The following AFAP1 variants were observed in gnomAD, a reference collection of about 807,000 sequenced individuals.
AFAP1 encodes actin filament-associated protein 1.
AFAP1 carries 75 observed loss-of-function variants against 93.9 expected under a neutral mutation model. The ratio of observed to expected loss-of-function variants is 0.80; its 90% CI spans 0.66 to 0.97. The LOEUF is 0.97. Ranked by LOEUF, AFAP1 falls within the 50% of genes least tolerant of loss-of-function variation. The pLI is 0.00. For missense variants in AFAP1, 1,201 were observed against 1,050.8 expected, an observed-to-expected ratio of 1.14 and a Z score of -1.98; for synonymous variants, 517 against 430.7, an observed-to-expected ratio of 1.20 and a Z score of -2.48.
At chr4:7,928,037 T>C (rs1244245427) in intron 1 of AFAP1, among the ~76,000 whole-genome samples, 2 of 152,188 alleles carry the variant, frequency 1.3e-5, no homozygotes, top group Non-Finnish European at 2.9e-5. Flanking sequence ...ATGATAAGAA[T>C]TTTCAGTCCC....
chr4:7,783,389 C>T (rs959641138), intron 12 of AFAP1, among the ~76,000 whole-genome samples: 2 of 152,210 alleles, frequency 1.3e-5, no homozygotes, highest in East Asian at 1.9e-4. Context: ...ATCTGCCCAC[C>T]TCTGCCTTCC....
chr4:7,820,337 A>C (rs1351313412), intron 6 of AFAP1, among the ~76,000 whole-genome samples: 1 of 152,198 alleles, frequency 6.6e-6, no homozygotes, highest in Non-Finnish European at 1.5e-5. Flanking sequence ...GCAAACTTCT[A>C]GTCAGTGCTA....
chr4:7,822,356 C>A (rs1280794566), intron 6 of AFAP1, among the ~76,000 whole-genome samples: 2 of 152,088 alleles, frequency 1.3e-5, no homozygotes, highest in Admixed American at 1.3e-4. Flanking sequence ...AAGTATCCAG[C>A]CCAGTATTTC....
chr4:7,800,535 C>T lies in AFAP1; in HGVS notation c.1173G>A (p.Pro391=), dbSNP rs764457895. The T allele has an allele frequency of 2.0e-5, 32 of 1,614,056 alleles. No homozygotes were observed. Among genetic ancestry groups the T allele is most frequent in the Non-Finnish European group, 2.6e-5 (31 of 1,180,040 alleles). The change falls in exon 10 of 18, where the codon CCG becomes CCA. Residue 391 remains proline (P), a synonymous_variant. Coordinates refer to ENST00000420658, the MANE Select transcript of AFAP1 (RefSeq NM_001134647.2). The part of the protein sequence containing the change: ...TDLKTHIVSI[P]LRGCEVIPGL... Reference sequence around the variant, plus strand: ...CCGGGATCACCTCGCAGCCACGGAGCGGAATAGACACAATATGGGTCTTCA... The same window carrying T: ...CCGGGATCACCTCGCAGCCACGGAGTGGAATAGACACAATATGGGTCTTCA...
In AFAP1 at chr4:7,761,005, G is replaced by C. The variant is rs1299186811; in HGVS notation, c.*2760C>G. On this transcript the variant is annotated 3_prime_UTR_variant, in exon 18 of 18. Transcript: ENST00000420658. ...GGCCTCTTGCCCTCAGCCTGGCTTC[G>C]TTATGAAATCAGACACACTCGCAGC... The C allele has an allele frequency of 2.6e-5, 4 of 152,248 alleles. No homozygotes were observed. Among genetic ancestry groups the C allele is most frequent in the African/African-American group, 9.6e-5 (4 of 41,468 alleles). 9.4% of individuals were successfully genotyped at this position (152,248 alleles called of 1,614,324 possible).
At chr4:7,794,518 TTTTA>T (rs780337000) in intron 10 of AFAP1, among the ~76,000 whole-genome samples, 4 of 152,068 alleles carry the variant, frequency 2.6e-5, no homozygotes, top group Admixed American at 6.6e-5. Context: ...TAAGCCATCC[TTTTA>T]TTTATTTATT....
intron 1 of AFAP1, among the ~76,000 whole-genome samples, chr4:7,919,766 T>C (rs1462951459): frequency 6.6e-5 from 10 of 152,060 alleles, no homozygotes; most frequent in Non-Finnish European, 1.5e-4. Flanking sequence ...CCAGCATGCA[T>C]TAGCTGTTTT....
At chr4:7,900,434 A>C (rs1292164096) in intron 1 of AFAP1, among the ~76,000 whole-genome samples, 2 of 152,248 alleles carry the variant, frequency 1.3e-5, no homozygotes, top group Non-Finnish European at 2.9e-5. Context: ...AATAAATGAG[A>C]CTCAAATGAA....
chr4:7,855,496 G>C lies in AFAP1; in HGVS notation c.304C>G (p.Pro102Ala), dbSNP rs1366217744. ...GTGATGTATTCCGGAGCTTTTCCGG[G>C]GCTCAGCGGCACAGCTTCCTCATAA... ...GYYEEAVPLSPGKAPEYITSN... is the reference protein window; with the variant it reads ...GYYEEAVPLSAGKAPEYITSN... The change falls in exon 4 of 18, where the codon CCC becomes GCC. Residue 102 changes from proline to alanine, a missense_variant. Physicochemically the swap from Pro to Ala is conservative, Grantham distance 27 (BLOSUM62 -1). Coordinates refer to ENST00000420658, the MANE Select transcript of AFAP1 (RefSeq NM_001134647.2). 1.2e-6 allele frequency: 2 copies of C among 1,613,160 alleles called. No individual in the cohort carries two copies. Among genetic ancestry groups the C allele is most frequent in the Admixed American group, 3.3e-5 (2 of 59,906 alleles).
intron 1 of AFAP1, among the ~76,000 whole-genome samples, chr4:7,903,521 A>C (rs949089066): frequency 2.0e-5 from 3 of 152,196 alleles, no homozygotes; most frequent in Non-Finnish European, 4.4e-5. Context: ...TCTACTAAAA[A>C]TACAAAAATT....
chr4:7,912,225 A>C (rs905587704), intron 1 of AFAP1, among the ~76,000 whole-genome samples: 4 of 152,170 alleles, frequency 2.6e-5, no homozygotes, highest in African/African-American at 9.7e-5. Flanking sequence ...GGCTGTTTCC[A>C]GTTTCTGGCG....
rs1446540483 is a variant in AFAP1, at chr4:7,939,241, A to C, written c.-3+415T>G. On this transcript the variant is annotated intron_variant, in intron 1 of 17. Transcript: ENST00000420658. This position sits in a 1 kb window ranked among gnomAD's most constrained non-coding sequence, Gnocchi z 5.6. ...GAGGGTCCGCGCAGTCCCCTCGGTA[A>C]GTCGGACGAAGCAGTCTCGCTACGG... is the stretch of plus-strand genomic sequence containing the variant. 1 of 268,464 alleles carries C rather than the reference A, an allele frequency of 3.7e-6. No homozygotes were observed. The highest frequency in any genetic ancestry group is 7.6e-6 in the Non-Finnish European group (1 of 132,412). The allele number at this position is 268,464 out of a possible 1,614,324, so 16.6% of individuals were successfully genotyped here. A position where few individuals can be genotyped will look rare whatever the true frequency, so the allele number is the denominator to read the frequency against.
intron 8 of AFAP1, 73 bp downstream of exon 8, chr4:7,815,945 A>T (rs1040980622): frequency 3.6e-6 from 5 of 1,380,790 alleles, no homozygotes; most frequent in Non-Finnish European, 4.0e-6. Flanking sequence ...CAGACTTTAC[A>T]AACCTGGCTG....
rs78820576 is a variant in AFAP1, at chr4:7,821,335, G to A, written c.727-2164C>T. Among the ~76,000 whole-genome samples, 48 of 152,322 alleles carry A rather than the reference G, an allele frequency of 3.2e-4. No individual in the cohort carries two copies. The East Asian group carries it at 7.7e-3, about 25-fold the overall frequency. ...ACATTCAAACCATGGAAGCAACACC[G>A]TCATTACTGTCAGCATTTTGATGAC... On this transcript the variant is annotated intron_variant, in intron 6 of 17. Coordinates refer to ENST00000420658, the MANE Select transcript of AFAP1 (RefSeq NM_001134647.2).
chr4:7,761,036 C>G lies in AFAP1; in HGVS notation c.*2729G>C, dbSNP rs913834361. 6.6e-6 allele frequency: 1 copy of G among 152,214 alleles called. No homozygotes were observed. The highest frequency in any genetic ancestry group is 2.1e-4 in the South Asian group (1 of 4,834). The allele number at this position is 152,214 out of a possible 1,614,324, so 9.4% of individuals were successfully genotyped here. Reference sequence around the variant, plus strand: ...AAATCAGACACACTCGCAGCTGCCACAGAGGCAAGGGGTGCTTGTTCCTGG... The same window carrying G: ...AAATCAGACACACTCGCAGCTGCCAGAGAGGCAAGGGGTGCTTGTTCCTGG... On this transcript the variant is annotated 3_prime_UTR_variant, in exon 18 of 18. Transcript: ENST00000420658.
chr4:7,787,234 C>T (rs1297763739), intron 11 of AFAP1, among the ~76,000 whole-genome samples: 2 of 152,236 alleles, frequency 1.3e-5, no homozygotes, highest in Non-Finnish European at 1.5e-5. Context: ...GCGGCGGTGC[C>T]GGGAGCGTGG....
At chr4:7,938,699 C>A (rs1053669100) in intron 1 of AFAP1, among the ~76,000 whole-genome samples, 15 of 152,132 alleles carry the variant, frequency 9.9e-5, no homozygotes, top group African/African-American at 3.6e-4. Flanking sequence ...ACTCTCCAGG[C>A]GCTGAGAGCT....
chr4:7,931,365 A>C lies in AFAP1; in HGVS notation c.-3+8291T>G, dbSNP rs1170545962. On this transcript the variant is annotated intron_variant, in intron 1 of 17. Coordinates refer to ENST00000420658, the MANE Select transcript of AFAP1 (RefSeq NM_001134647.2). Reference sequence around the variant, plus strand: ...AAACAAAATCTGATACTTGACCAACAAGAATAGTATATTAAGTGATATGGT... The same window carrying C: ...AAACAAAATCTGATACTTGACCAACCAGAATAGTATATTAAGTGATATGGT... 5.3e-5 allele frequency among the ~76,000 whole-genome samples: 8 copies of C among 152,120 alleles called. No homozygotes were observed. The South Asian group carries it at 8.3e-4, about 16-fold the overall frequency.
chr4:7,859,740 T>A (rs779268447), intron 3 of AFAP1, among the ~76,000 whole-genome samples: 15 of 152,116 alleles, frequency 9.9e-5, no homozygotes, highest in Admixed American at 1.3e-4. Context: ...AACACCACAG[T>A]AATATAACCT....
Sources: gnomAD v4.1 joint callset for allele counts (sites outside exome capture counted in the v4.1 genomes callset) on GRCh38, gnomAD v4.1.1 for gene constraint, Gnocchi (gnomAD v3.1) non-coding constraint, MANE v1.5 for transcripts, NCBI Gene and HGNC (gene_info 2026-07-23, HGNC 2026-07-21) for gene names.